The following SUV39H2 variants were observed in gnomAD, a reference collection of about 807,000 sequenced individuals.
SUV39H2 encodes SUV39H2 histone lysine methyltransferase, also known as histone-lysine N-methyltransferase SUV39H2.
In SUV39H2, 10 loss-of-function variants were observed where a neutral mutation model predicts 47.5. The ratio of observed to expected loss-of-function variants is 0.21; its 90% CI spans 0.13 to 0.36. The LOEUF is 0.36. SUV39H2 is among the 10% of genes least tolerant of loss of function. The pLI is 1.00. For synonymous variants in SUV39H2, 159 were observed against 166.8 expected (o/e 0.95, Z 0.36); for missense variants, 266 against 487.4 (o/e 0.55, Z 4.28).
intron 2 of SUV39H2, 105 bp from the exon 3 acceptor site, chr10:14,896,741 A>G: frequency 3.3e-6 from 3 of 921,864 alleles, no homozygotes; most frequent in Non-Finnish European, 4.8e-6. Flanking sequence ...ACTGTTAGTA[A>G]GAAAAATGGT....
intron 2 of SUV39H2, among the ~76,000 whole-genome samples, chr10:14,893,582 G>T (rs1284446789): frequency 1.3e-5 from 2 of 152,028 alleles, no homozygotes; most frequent in East Asian, 3.9e-4. Context: ...TCTTAAAGTG[G>T]TTTTCTGTGT....
Position 14,902,723 on chromosome 10 carries a change from T to C in SUV39H2, c.*211T>C. The stretch of plus-strand genomic sequence containing the variant: ...TGATATGAAGTCGACATATTTATAG[T>C]GCTTAGAGACCAAACTAATGGAAGG... On this transcript the variant is annotated 3_prime_UTR_variant, in exon 6 of 6. Coordinates refer to ENST00000354919, the MANE Select transcript of SUV39H2 (RefSeq NM_001193424.2). The C allele has an allele frequency of 5.3e-6, 2 of 376,086 alleles. No homozygotes were observed. Among genetic ancestry groups the C allele is most frequent in the Non-Finnish European group, 9.7e-6 (2 of 205,422 alleles). 23.3% of individuals were successfully genotyped at this position (376,086 alleles called of 1,614,324 possible). A position where few individuals can be genotyped will look rare whatever the true frequency, so the allele number is the denominator to read the frequency against.
At chr10:14,896,075 T>A (rs1833589537) in intron 2 of SUV39H2, among the ~76,000 whole-genome samples, 1 of 152,196 alleles carries the variant, frequency 6.6e-6, no homozygotes, top group Admixed American at 6.5e-5. Flanking sequence ...TCCCTAGTAC[T>A]GGCATTACAG....
Position 14,899,464 on chromosome 10 carries a change from A to G in SUV39H2, c.850-75A>G, listed in dbSNP as rs1276407274. On this transcript the variant is annotated intron_variant, in intron 3 of 5. Coordinates refer to ENST00000354919, the MANE Select transcript of SUV39H2 (RefSeq NM_001193424.2). ...TTTTTAAATATTTGTAGGTATTCGC[A>G]TATTAGTAGATAGGTAGATGAATGC... is the stretch of plus-strand genomic sequence containing the variant. 8 of 1,485,296 alleles carry G rather than the reference A, an allele frequency of 5.4e-6. No individual in the cohort carries two copies. The East Asian group carries it at 1.6e-4, about 29-fold the overall frequency. The allele number at this position is 1,485,296 out of a possible 1,614,324, so 92.0% of individuals were successfully genotyped here.
At chr10:14,885,132 C>T (rs1276419820) in intron 2 of SUV39H2, among the ~76,000 whole-genome samples, 3 of 152,158 alleles carry the variant, frequency 2.0e-5, no homozygotes, top group African/African-American at 7.2e-5. Context: ...GCTCTGTAGG[C>T]AGCCTCTTTC....
intron 2 of SUV39H2, among the ~76,000 whole-genome samples, chr10:14,892,536 A>G (rs1339411094): frequency 2.0e-5 from 3 of 152,124 alleles, no homozygotes; most frequent in African/African-American, 4.8e-5. Context: ...TCCCTACTCA[A>G]TCACTGCTCT....
intron 2 of SUV39H2, among the ~76,000 whole-genome samples, chr10:14,888,225 C>G (rs759206546): frequency 5.1e-4 from 78 of 152,058 alleles, no homozygotes; most frequent in Non-Finnish European, 8.7e-4. Flanking sequence ...GTAGCCCAAG[C>G]AAAGCAAATG....
intron 2 of SUV39H2, among the ~76,000 whole-genome samples, chr10:14,892,219 A>C (rs1026192102): frequency 2.0e-5 from 3 of 152,316 alleles, no homozygotes; most frequent in African/African-American, 7.2e-5. Flanking sequence ...GGGTTTGGCA[A>C]TTAATAGATT....
intron 2 of SUV39H2, among the ~76,000 whole-genome samples, chr10:14,883,332 T>C (rs1041796522): frequency 1.3e-5 from 2 of 152,184 alleles, no homozygotes; most frequent in African/African-American, 4.8e-5. Context: ...CTACTGCATG[T>C]CCCATTAATT....
At position 14,882,240 on chromosome 10, in the gene SUV39H2, T is replaced by G. The variant is rs546318668; in HGVS notation, c.177+595T>G. On this transcript the variant is annotated intron_variant, in intron 2 of 5. Transcript: ENST00000354919. ...GATTTTTTGATCTAAACTGTATATT[T>G]TTGAGTAATTCATCTGTCTATAGCC... 2.6e-5 allele frequency among the ~76,000 whole-genome samples: 4 copies of G among 152,382 alleles called. No individual in the cohort carries two copies. The South Asian group carries it at 8.3e-4, about 32-fold the overall frequency.
chr10:14,901,474 C>T (rs758129149), intron 5 of SUV39H2, among the ~76,000 whole-genome samples: 2 of 152,002 alleles, frequency 1.3e-5, no homozygotes, highest in Non-Finnish European at 2.9e-5. Context: ...GGTTCTACAT[C>T]GTAAATTTTC....
Position 14,891,562 on chromosome 10 carries a change from G to A in SUV39H2, c.178-5284G>A, listed in dbSNP as rs532230006. The stretch of plus-strand genomic sequence containing the variant: ...TGGAAGATTAATGTTTAAGAATGCA[G>A]GCAAGAATTGTGGGCCTGAAGTAAC... On this transcript the variant is annotated intron_variant, in intron 2 of 5. Coordinates refer to ENST00000354919, the MANE Select transcript of SUV39H2 (RefSeq NM_001193424.2). 5.3e-5 allele frequency among the ~76,000 whole-genome samples: 8 copies of A among 152,292 alleles called. No homozygotes were observed. The East Asian group carries it at 1.5e-3, about 29-fold the overall frequency.
chr10:14,879,287 C>T (rs377403835), intron 1 of SUV39H2, among the ~76,000 whole-genome samples: 1 of 152,164 alleles, frequency 6.6e-6, no homozygotes, highest in African/African-American at 2.4e-5. Flanking sequence ...GCGACTGGCT[C>T]CTTTGTGGTG....
intron 2 of SUV39H2, among the ~76,000 whole-genome samples, chr10:14,894,894 T>C (rs1833516450): frequency 6.6e-6 from 1 of 152,188 alleles, no homozygotes; most frequent in Non-Finnish European, 1.5e-5. Context: ...TTAAAACAAC[T>C]GTCATGGACC....
At chr10:14,880,557 G>C (rs1833012572) in intron 1 of SUV39H2, among the ~76,000 whole-genome samples, 2 of 152,204 alleles carry the variant, frequency 1.3e-5, no homozygotes, top group Non-Finnish European at 2.9e-5. Context: ...GGGTAGTGCA[G>C]AGGACTTTTG....
intron 2 of SUV39H2, among the ~76,000 whole-genome samples, chr10:14,894,830 A>T: frequency 6.6e-6 from 1 of 152,312 alleles, no homozygotes; most frequent in African/African-American, 2.4e-5. Flanking sequence ...GTGCCTCAGC[A>T]ACATGGCAGA....
intron 2 of SUV39H2, among the ~76,000 whole-genome samples, chr10:14,887,857 G>C (rs1833262599): frequency 6.6e-6 from 1 of 152,236 alleles, no homozygotes; most frequent in Admixed American, 6.5e-5. Context: ...GACTGGGCAG[G>C]TATCCCTGAG....
Position 14,897,244 on chromosome 10 carries a change from A to C in SUV39H2, c.576A>C (p.Ser192=), listed in dbSNP as rs767321282. 1.9e-6 allele frequency: 3 copies of C among 1,613,938 alleles called. No individual in the cohort carries two copies. In the South Asian group the frequency reaches 3.3e-5, roughly 18 times the overall value. ...SLVNEATFGC[S]CTDCFFQKCC... is the part of the protein sequence containing the mutation. Reference sequence around the variant, plus strand: ...TCAATGAAGCTACCTTTGGTTGTTCATGCACAGATTGCTTCTTTCAAAAAT... The same window carrying C: ...TCAATGAAGCTACCTTTGGTTGTTCCTGCACAGATTGCTTCTTTCAAAAAT... Residue 192 remains serine, a synonymous_variant, in exon 3 of 6, where the codon TCA becomes TCC. Transcript: ENST00000354919.
At chr10:14,888,075 A>AT (rs1833270626) in intron 2 of SUV39H2, among the ~76,000 whole-genome samples, 1 of 152,070 alleles carries the variant, frequency 6.6e-6, no homozygotes, top group South Asian at 2.1e-4. Context: ...CGAGGAAAGG[A>AT]TTTTGGACTT....
Sources: allele counts gnomAD v4.1 joint callset (sites outside exome capture counted in the v4.1 genomes callset), GRCh38; gene constraint gnomAD v4.1.1; transcripts MANE v1.5; gene names NCBI Gene and HGNC (gene_info 2026-07-23, HGNC 2026-07-21).